Variants in FXYD3 observed in about 807,000 individuals in gnomAD.
The protein encoded by FXYD3 is FXYD domain containing ion transport regulator 3.
FXYD3 carries 13 observed loss-of-function variants against 19.2 expected under a neutral mutation model. The observed-to-expected ratio is 0.68, with a 90% CI of 0.44 to 1.08. The LOEUF is 1.08. Among genes scored for constraint, FXYD3 ranks in the 50% least tolerant of loss-of-function variants. FXYD3 has a pLI of 0.00. For synonymous variants in FXYD3, 48 were observed against 38.9 expected (o/e 1.23, Z -0.87); for missense variants, 101 against 109.4 (o/e 0.92, Z 0.34).
chr19:35,121,419 C>T (rs1314524166), intron 5 of FXYD3, 174 bp downstream of exon 5: 10 of 1,537,558 alleles, frequency 6.5e-6, no homozygotes, highest in Admixed American at 4.2e-5. Flanking sequence ...GAGGCAGCAA[C>T]CTGGCCTTTG....
intron 5 of FXYD3, chr19:35,121,559 A>G: frequency 4.3e-6 from 6 of 1,404,484 alleles, no homozygotes; most frequent in African/African-American, 1.4e-5. Flanking sequence ...GTGGTGAGCT[A>G]TTGGATCAAA....
At chr19:35,123,349 GGTGTGT>G in intron 8 of FXYD3, 41 bp downstream of exon 8, 1 of 1,485,528 alleles carries the variant, frequency 6.7e-7, no homozygotes, top group Non-Finnish European at 9.3e-7. Flanking sequence ...ACACGGAAGT[GGTGTGT>G]GTGTGTGTGT....
At chr19:35,120,924 T>C (rs2065027856) in intron 3 of FXYD3, among the ~76,000 whole-genome samples, 154 bp from the exon 4 acceptor site, 1 of 152,236 alleles carries the variant, frequency 6.6e-6, no homozygotes. Flanking sequence ...ATTTCCTCGT[T>C]GGGATATGAG....
At chr19:35,117,510 T>A in intron 2 of FXYD3, 1 of 863,770 alleles carries the variant, frequency 1.2e-6, no homozygotes, top group Non-Finnish European at 1.6e-6. Context: ...AGCGAGTAAG[T>A]GGGAAGCTGA....
intron 2 of FXYD3, among the ~76,000 whole-genome samples, chr19:35,117,776 G>C (rs2064932070): frequency 4.3e-5 from 1 of 23,208 alleles, no homozygotes; most frequent in Non-Finnish European, 9.4e-5. Flanking sequence ...GAAAAGAAAT[G>C]GATGCTCCAA....
chr19:35,121,279 A>G (rs1170813611), intron 5 of FXYD3, 34 bp downstream of exon 5: 1 of 1,613,644 alleles, frequency 6.2e-7, no homozygotes, highest in Non-Finnish European at 8.5e-7. Context: ...CCTCCCCACA[A>G]CCCCACATAC....
rs1228278174 is a variant in FXYD3, at chr19:35,116,253, T to C, written c.-110-11T>C. The C allele has an allele frequency of 1.3e-5, 13 of 985,268 alleles. No individual in the cohort carries two copies. Among genetic ancestry groups the C allele is most frequent in the Non-Finnish European group, 1.6e-5 (13 of 829,910 alleles). The allele number at this position is 985,268 out of a possible 1,614,324, so 61.0% of individuals were successfully genotyped here. A position where few individuals can be genotyped will look rare whatever the true frequency, so the allele number is the denominator to read the frequency against. ...GCCTCAGGGCATCTGACTTGTTTTC[T>C]ACCTGCCCAGGTTTGCTTAGGGCGT... On this transcript the variant is annotated splice_polypyrimidine_tract_variant and intron_variant, in intron 1 of 8. Transcript: ENST00000604404.
intron 2 of FXYD3, chr19:35,118,372 A>G (rs946320302): frequency 5.9e-6 from 4 of 673,246 alleles, no homozygotes; most frequent in Non-Finnish European, 7.3e-6. Context: ...AAAAAAAAAA[A>G]AAACAATTAT....
At chr19:35,123,376 G>A in intron 8 of FXYD3, 65 bp from the exon 9 acceptor site, 1 of 1,612,818 alleles carries the variant, frequency 6.2e-7, no homozygotes, top group Non-Finnish European at 8.5e-7. Flanking sequence ...GTATGTGTGT[G>A]TTTGCACACT....
At chr19:35,121,515 G>A (rs772022761) in intron 5 of FXYD3, 1 of 1,422,204 alleles carries the variant, frequency 7.0e-7, no homozygotes. Flanking sequence ...ATCAACTGCT[G>A]GGAGAAGTGT....
At chr19:35,123,401 T>C in intron 8 of FXYD3, 40 bp from the exon 9 acceptor site, 1 of 1,613,738 alleles carries the variant, frequency 6.2e-7, no homozygotes, top group South Asian at 1.1e-5. Context: ...AGAAAAGAAC[T>C]CAATCCACCC....
chr19:35,119,223 C>G (rs1341771238), intron 2 of FXYD3, 140 bp from the exon 3 acceptor site: 1 of 1,601,058 alleles, frequency 6.2e-7, no homozygotes, highest in South Asian at 1.1e-5. Context: ...ATCTCTCAGC[C>G]CAGCGAGATG....
chr19:35,119,691 T>A, intron 3 of FXYD3: 1 of 523,380 alleles, frequency 1.9e-6, no homozygotes, highest in Non-Finnish European at 3.4e-6. Flanking sequence ...GTTTTTGTTT[T>A]TGAAAGGGAG....
At chr19:35,122,664 CCT>C (rs746281115) in intron 5 of FXYD3, 99 bp from the exon 6 acceptor site, 2 of 950,128 alleles carry the variant, frequency 2.1e-6, no homozygotes, top group Non-Finnish European at 3.3e-6. Flanking sequence ...TCCCCAGCAC[CCT>C]GTGCATCCTA....
In FXYD3 at chr19:35,116,325, C is replaced by T; in HGVS notation, c.-49C>T. On this transcript the variant is annotated 5_prime_UTR_variant, in exon 2 of 9. Transcript: ENST00000604404. ...GACTCCGCCTGGCAGCCCGATTTCT[C>T]CCGGAACCTCTGCTCAGCCTGGTGA... 5.1e-6 allele frequency: 5 copies of T among 985,492 alleles called. No homozygotes were observed. Among genetic ancestry groups the T allele is most frequent in the Non-Finnish European group, 6.0e-6 (5 of 829,976 alleles). The allele number at this position is 985,492 out of a possible 1,614,324, so 61.0% of individuals were successfully genotyped here.
chr19:35,121,565 T>C (rs773240467), intron 5 of FXYD3: 124 of 1,396,988 alleles, frequency 8.9e-5, no homozygotes, highest in Non-Finnish European at 1.0e-4. Flanking sequence ...AGCTATTGGA[T>C]CAAAACCCTC....
chr19:35,119,618 G>A (rs1202418455), intron 3 of FXYD3: 11 of 567,594 alleles, frequency 1.9e-5, no homozygotes, highest in Admixed American at 1.3e-4. Context: ...GAAAGTCACC[G>A]TCTTCCCCAT....
At chr19:35,118,122 G>A (rs60121975) in intron 2 of FXYD3, 13,292 of 152,218 alleles carry the variant, frequency 0.087, 629 homozygotes, top group Middle Eastern at 0.13. Context: ...GAGGGAGGCC[G>A]GGGTGGGTGG....
At position 35,123,598 on chromosome 19, in the gene FXYD3, T is replaced by A; in HGVS notation, c.*141T>A. The A allele has an allele frequency of 1.2e-6, 1 of 811,016 alleles. No homozygotes were observed. Among genetic ancestry groups the A allele is most frequent in the African/African-American group, 1.7e-5 (1 of 58,004 alleles). The allele number at this position is 811,016 out of a possible 1,614,324, so 50.2% of individuals were successfully genotyped here. ...GCATGGCAGGGCCTCATCTCACCTC[T>A]CGCAAGAGGGTCTCTTTGTTCAATT... On this transcript the variant is annotated 3_prime_UTR_variant, in exon 9 of 9. Transcript: ENST00000604404.
Sources: gnomAD v4.1 joint callset for allele counts (sites outside exome capture counted in the v4.1 genomes callset) on GRCh38, gnomAD v4.1.1 for gene constraint, MANE v1.5 for transcripts, NCBI Gene and HGNC (gene_info 2026-07-23, HGNC 2026-07-21) for gene names.